Variants in YTHDC2 observed in about 807,000 individuals in gnomAD.
YTHDC2 encodes YTH N6-methyladenosine RNA binding protein C2.
Under a neutral mutation model 174.9 loss-of-function variants are expected in YTHDC2, and 45 were observed. That is an observed-to-expected ratio of 0.26 (90% CI 0.20 to 0.33). The LOEUF (loss-of-function observed/expected upper bound fraction) is 0.33, where lower values mean the gene tolerates loss of function less well. Among genes scored for constraint, YTHDC2 ranks in the 10% least tolerant of loss-of-function variants. The pLI is 1.00. For synonymous variants in YTHDC2, 657 were observed against 574.5 expected, an observed-to-expected ratio of 1.14 and a Z score of -2.05; for missense variants, 1,650 against 1,723.7, an observed-to-expected ratio of 0.96 and a Z score of 0.76.
intron 23 of YTHDC2, among the ~76,000 whole-genome samples, chr5:113,571,969 C>T (rs7702833): frequency 0.2 from 30,079 of 151,834 alleles, 3,401 homozygotes; most frequent in Admixed American, 0.33. Flanking sequence ...TCTCTATCGC[C>T]TTCACTTCTG....
chr5:113,539,161 A>T lies in YTHDC2; in HGVS notation c.1190A>T (p.Tyr397Phe), dbSNP rs748809005. The T allele has an allele frequency of 2.9e-6, 4 of 1,382,444 alleles. No individual in the cohort carries two copies. In the Admixed American group the frequency reaches 7.8e-5, roughly 27 times the overall value. The allele number at this position is 1,382,444 out of a possible 1,614,324, so 85.6% of individuals were successfully genotyped here. ...TATACAAACAAAGAAATGTTAAAATATAAAAAGGAAAAACAGCAAGGTAAA... is the reference window on the plus strand; with the variant it reads ...TATACAAACAAAGAAATGTTAAAATTTAAAAAGGAAAAACAGCAAGGTAAA... ...TGYTNKEMLK[Y>F]KKEKQQEEKQ... is the part of the protein sequence containing the mutation. Residue 397 changes from tyrosine (Y) to phenylalanine (F), a missense_variant, in exon 8 of 30, where the codon TAT becomes TTT. Tyr to Phe is a conservative substitution (Grantham distance 22). Coordinates refer to ENST00000161863, the MANE Select transcript of YTHDC2 (RefSeq NM_022828.5).
chr5:113,592,402 C>G (rs1779058319), intron 28 of YTHDC2: 2 of 381,916 alleles, frequency 5.2e-6, no homozygotes. Context: ...TTTAACTTCT[C>G]TTTGGCTTTA....
chr5:113,548,219 G>C (rs1347861497), intron 10 of YTHDC2, among the ~76,000 whole-genome samples: 1 of 152,204 alleles, frequency 6.6e-6, no homozygotes, highest in Non-Finnish European at 1.5e-5. Context: ...GATTTAGGAA[G>C]ATTATTTAAG....
intron 2 of YTHDC2, among the ~76,000 whole-genome samples, chr5:113,515,707 G>A (rs1336816417): frequency 6.6e-6 from 1 of 152,128 alleles, no homozygotes; most frequent in East Asian, 1.9e-4. Context: ...TGCATACATA[G>A]GGGAGAACTC....
rs997715016 is a variant in YTHDC2, at chr5:113,548,996, T to C, written c.1664T>C (p.Ile555Thr). Reference sequence around the variant, plus strand: ...GCTAAACACTTTGGGCAGACTGAAATTGTGGATCTTCTAGAATCTTACAGG... The same window carrying C: ...GCTAAACACTTTGGGCAGACTGAAACTGTGGATCTTCTAGAATCTTACAGG... ...DWAKHFGQTE[I>T]VDLLESYSAT... The change falls in exon 12 of 30, where the codon ATT becomes ACT. Residue 555 changes from isoleucine to threonine, a missense_variant. Physicochemically the swap from Ile to Thr is moderately conservative, Grantham distance 89 (BLOSUM62 -1). This residue lies in a region of YTHDC2 where 411 missense variants were observed against 380.6 expected (regional missense o/e 1.08). Transcript: ENST00000161863. The C allele has an allele frequency of 2.5e-6, 4 of 1,612,994 alleles. No homozygotes were observed. The highest frequency in any genetic ancestry group is 3.3e-5 in the Admixed American group (2 of 59,890).
chr5:113,567,890 T>C, intron 23 of YTHDC2, 41 bp downstream of exon 23: 1 of 1,360,306 alleles, frequency 7.4e-7, no homozygotes, highest in South Asian at 1.9e-5. Context: ...TGAAATGAAT[T>C]TTTTTTTTTT....
intron 23 of YTHDC2, among the ~76,000 whole-genome samples, chr5:113,569,850 T>A (rs189213133): frequency 1.1e-4 from 16 of 152,290 alleles, no homozygotes; most frequent in African/African-American, 3.6e-4. Context: ...ATAAGAATTT[T>A]GAAATCGTTT....
At chr5:113,550,904 A>G (rs1776212190) in intron 12 of YTHDC2, among the ~76,000 whole-genome samples, 2 of 152,060 alleles carry the variant, frequency 1.3e-5, no homozygotes, top group Non-Finnish European at 2.9e-5. Flanking sequence ...CAGATTAGAT[A>G]TTTAAAGAAA....
intron 17 of YTHDC2, among the ~76,000 whole-genome samples, chr5:113,558,295 T>C (rs1329245585): frequency 1.3e-5 from 2 of 152,218 alleles, no homozygotes; most frequent in Non-Finnish European, 2.9e-5. Context: ...GAGTATAGTA[T>C]TCTTTCAGCT....
At chr5:113,580,024 T>G in intron 24 of YTHDC2, 1 of 774,228 alleles carries the variant, frequency 1.3e-6, no homozygotes, top group Non-Finnish European at 1.6e-6. Context: ...CTGACGTCGG[T>G]TGAGGGCTGC....
chr5:113,556,012 C>A, intron 16 of YTHDC2, 40 bp from the exon 17 acceptor site: 1 of 1,287,086 alleles, frequency 7.8e-7, no homozygotes, highest in East Asian at 2.4e-5. Context: ...CTTTTAAATA[C>A]CTTTTATATT....
At chr5:113,557,727 G>A (rs1028401988) in intron 17 of YTHDC2, among the ~76,000 whole-genome samples, 4 of 152,148 alleles carry the variant, frequency 2.6e-5, no homozygotes, top group Non-Finnish European at 4.4e-5. Context: ...CTGGGAGGTC[G>A]AGGCTGCAGC....
rs1779167863 is a variant in YTHDC2, at chr5:113,594,608, CACT to C, written c.*1135_*1137del. On this transcript the variant is annotated 3_prime_UTR_variant, in exon 30 of 30. Coordinates refer to ENST00000161863, the MANE Select transcript of YTHDC2 (RefSeq NM_022828.5). Reference sequence around the variant, plus strand: ...CATCTCAGAATTATCTTTTTACCACCACTGTTTATAAAATTTCCTTAGAGACTT... The same window carrying C: ...CATCTCAGAATTATCTTTTTACCACCGTTTATAAAATTTCCTTAGAGACTT... 6.6e-6 allele frequency: 1 copy of C among 152,000 alleles called. No homozygotes were observed. Among genetic ancestry groups the C allele is most frequent in the Admixed American group, 6.6e-5 (1 of 15,238 alleles). The allele number at this position is 152,000 out of a possible 1,614,324, so 9.4% of individuals were successfully genotyped here. A position where few individuals can be genotyped will look rare whatever the true frequency, so the allele number is the denominator to read the frequency against.
intron 10 of YTHDC2, among the ~76,000 whole-genome samples, chr5:113,547,115 A>T (rs1775933379): frequency 6.6e-6 from 1 of 152,184 alleles, no homozygotes; most frequent in Non-Finnish European, 1.5e-5. Flanking sequence ...ATTAGGCTCC[A>T]CCTCTTGAAG....
intron 10 of YTHDC2, among the ~76,000 whole-genome samples, chr5:113,544,067 C>T (rs1775674428): frequency 6.6e-6 from 1 of 152,146 alleles, no homozygotes; most frequent in Non-Finnish European, 1.5e-5. Context: ...AGGGCAGAAA[C>T]TTTGTCAGTT....
chr5:113,523,912 C>T (rs1341072576), intron 2 of YTHDC2, among the ~76,000 whole-genome samples: 2 of 151,908 alleles, frequency 1.3e-5, no homozygotes, highest in African/African-American at 4.8e-5. Flanking sequence ...GTGACATTAA[C>T]AAATGGCAAA....
intron 10 of YTHDC2, among the ~76,000 whole-genome samples, chr5:113,544,029 T>G (rs540622727): frequency 3.3e-5 from 5 of 152,360 alleles, no homozygotes; most frequent in South Asian, 2.1e-4. Context: ...TCATTACTTA[T>G]TTCATCTACT....
intron 23 of YTHDC2, 100 bp from the exon 24 acceptor site, chr5:113,579,486 C>A: frequency 4.2e-6 from 3 of 707,224 alleles, no homozygotes; most frequent in Non-Finnish European, 6.7e-6. Flanking sequence ...TGTTGTATGT[C>A]AGGAGGGTTT....
rs759286504 is a variant in YTHDC2 at position 113,526,780 on chromosome 5, A to T, written c.670A>T (p.Thr224Ser). The T allele has an allele frequency of 7.2e-7, 1 of 1,388,508 alleles. No individual in the cohort carries two copies. The highest frequency in any genetic ancestry group is 9.4e-7 in the Non-Finnish European group (1 of 1,062,380). 86.0% of individuals were successfully genotyped at this position (1,388,508 alleles called of 1,614,324 possible). A position where few individuals can be genotyped will look rare whatever the true frequency, so the allele number is the denominator to read the frequency against. The part of the protein sequence containing the change: ...IVGETGSGKT[T>S]QIPQFLLDDC... The stretch of plus-strand genomic sequence containing the variant: ...AGGAGAAACTGGGTCTGGAAAGACC[A>T]CACAGGTTTGTTTCTTTTTTGTTGT... The change falls in exon 4 of 30, where the codon ACA becomes TCA. Residue 224 changes from threonine (T) to serine (S), a missense_variant. Thr to Ser is a moderately conservative substitution (Grantham distance 58). Around this residue, in one of 5 missense-constraint regions of YTHDC2, gnomAD observed 304 missense variants for 341.4 expected, o/e 0.89. Transcript: ENST00000161863.
Sources: gnomAD v4.1 joint callset for allele counts (sites outside exome capture counted in the v4.1 genomes callset) on GRCh38, gnomAD v4.1.1 for gene constraint, gnomAD v4.1.1 regional missense constraint, MANE v1.5 for transcripts, NCBI Gene and HGNC (gene_info 2026-07-23, HGNC 2026-07-21) for gene names.